The following SMPX variants were observed in gnomAD, a reference collection of about 807,000 sequenced individuals.
The protein encoded by SMPX is small muscle protein X-linked, also known as small muscular protein.
In SMPX, 2 loss-of-function variants were observed where a neutral mutation model predicts 6.3. The ratio of observed to expected loss-of-function variants is 0.32; its 90% confidence interval spans 0.13 to 0.99. The LOEUF (loss-of-function observed/expected upper bound fraction) is 0.99, where lower values mean the gene tolerates loss of function less well. Among genes scored for constraint, SMPX ranks in the 50% least tolerant of loss-of-function variants. The probability of loss-of-function intolerance (pLI) is 0.49; values close to 1 mark genes in which losing one functional copy is unlikely to be tolerated. For synonymous variants in SMPX, 32 were observed against 24.7 expected (o/e 1.30, Z -0.88); for missense variants, 60 against 66.8 (o/e 0.90, Z 0.36).
intron 4 of SMPX, among the ~76,000 whole-genome samples, chrX:21,737,036 G>C (rs773314688): frequency 8.9e-6 from 1 of 111,788 alleles, no homozygotes; most frequent in African/African-American, 3.3e-5. Context: ...ACCTAGAGTC[G>C]TTATGGCATC....
intron 4 of SMPX, among the ~76,000 whole-genome samples, chrX:21,714,108 TAAAAC>T (rs1167862963): frequency 9.0e-6 from 1 of 111,197 alleles, no homozygotes; most frequent in Non-Finnish European, 1.9e-5. Flanking sequence ...CAAGAGATAA[TAAAAC>T]AAGTTTTCCT....
chrX:21,753,874 C>T (rs2092829981), intron 2 of SMPX, among the ~76,000 whole-genome samples: 1 of 112,045 alleles, frequency 8.9e-6, no homozygotes, highest in Middle Eastern at 4.7e-3. Context: ...ATTTCAAACA[C>T]GTGAGTCAAC....
chrX:21,723,887 A>G (rs1464886562), intron 4 of SMPX, among the ~76,000 whole-genome samples: 1 of 112,328 alleles, frequency 8.9e-6, no homozygotes, highest in Non-Finnish European at 1.9e-5. Flanking sequence ...ATTCTAATGC[A>G]GTTGCATTTG....
intron 3 of SMPX, among the ~76,000 whole-genome samples, chrX:21,742,094 C>G (rs2092816663): frequency 8.9e-6 from 1 of 112,000 alleles, no homozygotes; most frequent in Non-Finnish European, 1.9e-5. Context: ...ATGTGAGCCT[C>G]CAAAACAGCT....
intron 2 of SMPX, among the ~76,000 whole-genome samples, chrX:21,753,880 T>A (rs1272244801): frequency 8.9e-6 from 1 of 111,904 alleles, no homozygotes; most frequent in Non-Finnish European, 1.9e-5. Context: ...AACACGTGAG[T>A]CAACAAACTG....
chrX:21,750,894 T>C (rs780402160), intron 2 of SMPX, among the ~76,000 whole-genome samples: 16 of 112,363 alleles, frequency 1.4e-4, no homozygotes, highest in Non-Finnish European at 2.6e-4. Context: ...ATTTGTATAC[T>C]ATAGATTATT....
At chrX:21,733,778 G>A (rs1355614591) in intron 4 of SMPX, 1 of 323,545 alleles carries the variant, frequency 3.1e-6, no homozygotes, top group Non-Finnish European at 5.9e-6. Context: ...AGATGAGATG[G>A]TGTAGGCAGG....
chrX:21,729,042 A>G (rs1226453626), intron 4 of SMPX, among the ~76,000 whole-genome samples: 2 of 112,252 alleles, frequency 1.8e-5, no homozygotes, highest in Non-Finnish European at 3.8e-5. Flanking sequence ...TTTCTGATAC[A>G]TTTGAGATGA....
Position 21,706,370 on chromosome X carries a change from G to C in SMPX, c.*39C>G. 1 of 423,510 alleles carries C rather than the reference G, an allele frequency of 2.4e-6. No individual in the cohort carries two copies. Among genetic ancestry groups the C allele is most frequent in the Non-Finnish European group, 4.3e-6 (1 of 235,197 alleles). 34.9% of individuals were successfully genotyped at this position (423,510 alleles called of 1,213,427 possible). ...TAGTGAGCTATTGAATCCATCTTCT[G>C]CCTCTTTATTTCTTCACATCAATCC... On this transcript the variant is annotated 3_prime_UTR_variant, in exon 5 of 5. Transcript: ENST00000379494.
At chrX:21,720,625 C>T (rs759521440) in intron 4 of SMPX, among the ~76,000 whole-genome samples, 1 of 112,502 alleles carries the variant, frequency 8.9e-6, no homozygotes, top group Non-Finnish European at 1.9e-5. Context: ...ATGAAAAGTT[C>T]GTGTTTAGTG....
chrX:21,752,278 A>C (rs2092828218), intron 2 of SMPX, among the ~76,000 whole-genome samples: 1 of 111,384 alleles, frequency 9.0e-6, no homozygotes, highest in Admixed American at 9.5e-5. Flanking sequence ...AAGAAAAACC[A>C]ACACACTTTC....
At chrX:21,722,202 G>A (rs1421410432) in intron 4 of SMPX, among the ~76,000 whole-genome samples, 5 of 111,801 alleles carry the variant, frequency 4.5e-5, no homozygotes, top group African/African-American at 1.6e-4. Flanking sequence ...CTGCCAAGTA[G>A]CTGTGATCCT....
chrX:21,736,610 T>C (rs2092810693), intron 4 of SMPX, among the ~76,000 whole-genome samples: 1 of 111,942 alleles, frequency 8.9e-6, no homozygotes, highest in South Asian at 3.8e-4. Context: ...CAGCATGTAG[T>C]GAACACTCAA....
rs1451225057 is a variant in SMPX at position 21,737,652 on chromosome X, C to A, written c.178G>T (p.Ala60Ser). 8.3e-7 allele frequency: 1 copy of A among 1,207,914 alleles called. No homozygotes were observed. Among genetic ancestry groups the A allele is most frequent in the African/African-American group, 1.8e-5 (1 of 57,142 alleles). ...ACTGCAGGTCCTGGAAGTTTCTTCG[C>A]TCCTGGAATTGGCTTCTTCTCCTCA... Reference protein sequence around the residue: ...SDEEKKPIPGAKKLPGPAVNL... With the variant: ...SDEEKKPIPGSKKLPGPAVNL... Residue 60 changes from alanine to serine, a missense_variant, in exon 4 of 5, where the codon GCG becomes TCG. Coordinates refer to ENST00000379494, the MANE Select transcript of SMPX (RefSeq NM_014332.3).
chrX:21,739,489 G>C (rs761188217), intron 3 of SMPX, among the ~76,000 whole-genome samples: 11 of 112,101 alleles, frequency 9.8e-5, no homozygotes, highest in Non-Finnish European at 1.9e-4. Flanking sequence ...GGAAAATACT[G>C]TTTCCCTGGG....
chrX:21,736,259 A>G (rs2092810312), intron 4 of SMPX, among the ~76,000 whole-genome samples: 1 of 112,225 alleles, frequency 8.9e-6, no homozygotes, highest in Non-Finnish European at 1.9e-5. Flanking sequence ...CATTCTGTCT[A>G]GAGGAGAAGA....
At chrX:21,714,185 G>T (rs890362672) in intron 4 of SMPX, among the ~76,000 whole-genome samples, 2 of 111,825 alleles carry the variant, frequency 1.8e-5, no homozygotes, top group African/African-American at 6.5e-5. Context: ...GATAAGTTGA[G>T]AAATACTGGG....
At chrX:21,715,299 TGTGTGCGCGCACGC>T (rs1245912904) in intron 4 of SMPX, among the ~76,000 whole-genome samples, 24 of 89,569 alleles carry the variant, frequency 2.7e-4, no homozygotes, top group African/African-American at 9.5e-4. Flanking sequence ...TGTGTGTGTG[TGTGTGCGCGCACGC>T]GCGCGCGCTC....
At chrX:21,731,667 T>TGTGTACACATAAATGTGTAC (rs2092804856) in intron 4 of SMPX, among the ~76,000 whole-genome samples, 1 of 96,378 alleles carries the variant, frequency 1.0e-5, no homozygotes, top group African/African-American at 3.8e-5. Flanking sequence ...TGTATGTGTA[T>TGTGTACACATAAATGTGTAC]GTGTACACAT....
Sources: gnomAD v4.1 joint callset for allele counts (sites outside exome capture counted in the v4.1 genomes callset) on GRCh38, gnomAD v4.1.1 for gene constraint, MANE v1.5 for transcripts, NCBI Gene and HGNC (gene_info 2026-07-23, HGNC 2026-07-21) for gene names.